Variants in TMCO6 observed in about 807,000 individuals in gnomAD.
The protein encoded by TMCO6 is transmembrane and coiled-coil domains 6.
In TMCO6, 47 loss-of-function variants were observed where a neutral mutation model predicts 61.8. The observed-to-expected ratio is 0.76, with a 90% CI of 0.60 to 0.97. The LOEUF is 0.97. Ranked by LOEUF, TMCO6 falls within the 50% of genes least tolerant of loss-of-function variation. The pLI is 0.00. For missense variants in TMCO6, 557 were observed against 601.6 expected (o/e 0.93, Z 0.78); for synonymous variants, 261 against 254.2 (o/e 1.03, Z -0.25).
chr5:140,629,522 A>G, the TMCO6 span, among the ~76,000 whole-genome samples: 1 of 152,218 alleles, frequency 6.6e-6, no homozygotes, highest in Non-Finnish European at 1.5e-5. Flanking sequence ...TATATGAAAC[A>G]TAAATGAATT....
the TMCO6 span, among the ~76,000 whole-genome samples, chr5:140,610,036 C>T: frequency 1.4e-4 from 22 of 151,786 alleles, no homozygotes; most frequent in South Asian, 4.6e-3. Context: ...CCATGCCTGG[C>T]TAATTTTTTT....
chr5:140,642,221 G>A, intron 4 of TMCO6, 94 bp from the exon 5 acceptor site: 1 of 1,397,458 alleles, frequency 7.2e-7, no homozygotes, highest in Non-Finnish European at 9.8e-7. Context: ...AAGGATAGCT[G>A]CTCCAGCGTC....
At chr5:140,644,950 G>A in intron 11 of TMCO6, 35 bp from the exon 12 acceptor site, 2 of 1,601,484 alleles carry the variant, frequency 1.2e-6, no homozygotes, top group Non-Finnish European at 1.7e-6. Context: ...AGGACACAGA[G>A]ACCAGGTGTG....
chr5:140,612,887 C>T, the TMCO6 span, among the ~76,000 whole-genome samples: 15 of 152,314 alleles, frequency 9.8e-5, no homozygotes, highest in African/African-American at 3.6e-4. Flanking sequence ...CCTCAGCCCA[C>T]TCTTCAATCA....
At chr5:140,612,560 C>A in the TMCO6 span, among the ~76,000 whole-genome samples, 1 of 152,110 alleles carries the variant, frequency 6.6e-6, no homozygotes, top group South Asian at 2.1e-4. Context: ...AGGATGGTCT[C>A]GATCTCGCGA....
At position 140,645,277 on chromosome 5, in the gene TMCO6, C is replaced by A; in HGVS notation, c.*179C>A. ...CTCAGCACTATCCAGGCAGGAGGAC[C>A]AAAAGGGACTCAGTGTGGTCTACTT... is the stretch of plus-strand genomic sequence containing the variant. On this transcript the variant is annotated 3_prime_UTR_variant, in exon 12 of 12. Transcript: ENST00000394671. 1 of 718,530 alleles carries A rather than the reference C, an allele frequency of 1.4e-6. No homozygotes were observed. Among genetic ancestry groups the A allele is most frequent in the Non-Finnish European group, 2.4e-6 (1 of 422,208 alleles). The allele number at this position is 718,530 out of a possible 1,614,324, so 44.5% of individuals were successfully genotyped here. A position where few individuals can be genotyped will look rare whatever the true frequency, so the allele number is the denominator to read the frequency against.
intron 2 of TMCO6, 196 bp from the exon 3 acceptor site, chr5:140,641,469 G>T: frequency 1.7e-6 from 1 of 586,324 alleles, no homozygotes; most frequent in South Asian, 2.1e-5. Flanking sequence ...GGAGTAAGTG[G>T]CAGGTATGGT....
the TMCO6 span, among the ~76,000 whole-genome samples, chr5:140,610,737 T>C: frequency 6.6e-6 from 1 of 152,212 alleles, no homozygotes; most frequent in African/African-American, 2.4e-5. Flanking sequence ...CTAATTTTCA[T>C]GGCAAGAACC....
chr5:140,629,999 T>C, the TMCO6 span, among the ~76,000 whole-genome samples: 1 of 150,596 alleles, frequency 6.6e-6, no homozygotes, highest in African/African-American at 2.4e-5. Context: ...TCTGCTCCCT[T>C]TTTTTTTTGA....
Position 140,643,933 on chromosome 5 carries a change from CCT to C in TMCO6, c.1073_1074del (p.Pro358ArgfsTer15), listed in dbSNP as rs746465927. The C allele has an allele frequency of 3.1e-6, 5 of 1,614,208 alleles. No homozygotes were observed. The East Asian group carries it at 6.7e-5, about 22-fold the overall frequency. The stretch of plus-strand genomic sequence containing the variant: ...TTTCCAGAAACAGCCCAGTCTGCTC[CCT>C]GAGGGCCTTTGGCTCCTCAACAACC... ...FFFQKQPSLLPEGLWLLNNLT... is the reference protein window; with the variant it reads ...FFFQKQPSLLXEGLWLLNNLT... On this transcript the variant is annotated frameshift_variant, in exon 9 of 12. Transcript: ENST00000394671. LOFTEE classifies it high-confidence loss of function.
At chr5:140,632,401 C>T in the TMCO6 span, 1 of 1,614,142 alleles carries the variant, frequency 6.2e-7, no homozygotes, top group South Asian at 1.1e-5. The surrounding 1 kb of genome is among the most constrained non-coding windows in gnomAD (Gnocchi z 6.2). Context: ...CTGGTAAGGG[C>T]CGGGAAGGCG....
the TMCO6 span, chr5:140,633,000 C>T: frequency 1.2e-6 from 2 of 1,614,104 alleles, no homozygotes; most frequent in African/African-American, 2.7e-5. The surrounding 1 kb of genome is among the most constrained non-coding windows in gnomAD (Gnocchi z 6.2). Flanking sequence ...GAGCAGAGGT[C>T]TAGGAGGCCC....
chr5:140,610,226 A>T, the TMCO6 span, among the ~76,000 whole-genome samples: 1 of 148,362 alleles, frequency 6.7e-6, no homozygotes, highest in Non-Finnish European at 1.5e-5. Flanking sequence ...GCGTGGCAGC[A>T]TGTGCCTGTA....
the TMCO6 span, among the ~76,000 whole-genome samples, chr5:140,622,831 G>A: frequency 6.6e-6 from 1 of 151,930 alleles, no homozygotes; most frequent in African/African-American, 2.4e-5. Context: ...TGACTAGAGG[G>A]ACTGAAGAAA....
Position 140,642,677 on chromosome 5 carries a change from T to A in TMCO6, c.689+6T>A. The A allele has an allele frequency of 6.2e-7, 1 of 1,614,030 alleles. No individual in the cohort carries two copies. Among genetic ancestry groups the A allele is most frequent in the South Asian group, 1.1e-5 (1 of 91,086 alleles). On this transcript the variant is annotated splice_donor_region_variant and intron_variant, in intron 6 of 11. Coordinates refer to ENST00000394671, the MANE Select transcript of TMCO6 (RefSeq NM_018502.5). The stretch of plus-strand genomic sequence containing the variant: ...GCTCCAGAGAAGATCATTCCGTGAG[T>A]AAAATTGTCTTTAGATGTGCAGCCA...
rs147139789 is a variant in TMCO6, at chr5:140,642,304, C to T, written c.499-11C>T. 3,634 of 1,602,214 alleles carry T rather than the reference C, an allele frequency of 2.3e-3. 15 individuals carry two copies. Among genetic ancestry groups the T allele is most frequent in the Middle Eastern group, 0.011 (63 of 5,994 alleles). On this transcript the variant is annotated splice_polypyrimidine_tract_variant and intron_variant, in intron 4 of 11. Coordinates refer to ENST00000394671, the MANE Select transcript of TMCO6 (RefSeq NM_018502.5). ...CAGGCCAAGCCCAGTGCTTTTGTTG[C>T]CTGTTCTCAGGAGCTGTGTCTGTAT...
the TMCO6 span, among the ~76,000 whole-genome samples, chr5:140,613,416 A>AT: frequency 1.3e-4 from 17 of 133,640 alleles, no homozygotes; most frequent in South Asian, 9.4e-4. Flanking sequence ...AAAAAAAAAA[A>AT]TGGTGGCAGG....
At chr5:140,645,504 G>T, downstream of TMCO6, 2 of 1,540,878 alleles carry the variant, frequency 1.3e-6, no homozygotes. Context: ...ATGAGGAATA[G>T]GAGAACACAT....
At position 140,644,116 on chromosome 5, in the gene TMCO6, C is replaced by G. The variant is rs868500594; in HGVS notation, c.1122C>G (p.Phe374Leu). Residue 374 changes from phenylalanine (F) to leucine (L), a missense_variant, in exon 10 of 12, where the codon TTC becomes TTG. Coordinates refer to ENST00000394671, the MANE Select transcript of TMCO6 (RefSeq NM_018502.5). ...LNNLTANSPS[F>L]CTSLLSLDLI... ...CTCTTCCAGCAAACAGTCCTAGTTT[C>G]TGTACCTCCTTGCTCTCCCTGGATC... 6 of 1,614,230 alleles carry G rather than the reference C, an allele frequency of 3.7e-6. No individual in the cohort carries two copies. In the Middle Eastern group the frequency reaches 8.2e-4, roughly 222 times the overall value.
Sources: allele counts gnomAD v4.1 joint callset (sites outside exome capture counted in the v4.1 genomes callset), GRCh38; gene constraint gnomAD v4.1.1; non-coding constraint Gnocchi (gnomAD v3.1); transcripts MANE v1.5; gene names NCBI Gene and HGNC (gene_info 2026-07-23, HGNC 2026-07-21).